PELI2: variants seen among roughly 807,000 people sequenced by gnomAD.
The protein encoded by PELI2 is pellino E3 ubiquitin protein ligase family member 2, also known as E3 ubiquitin-protein ligase pellino homolog 2.
In PELI2, 23 loss-of-function variants were observed where a neutral mutation model predicts 42.3. The ratio of observed to expected loss-of-function variants is 0.54; its 90% confidence interval spans 0.39 to 0.77. PELI2 has a LOEUF of 0.77. Among genes scored for constraint, PELI2 ranks in the 30% least tolerant of loss-of-function variants. The pLI is 0.00. For synonymous variants in PELI2, 245 were observed against 212.2 expected (o/e 1.15, Z -1.34); for missense variants, 463 against 553.2 (o/e 0.84, Z 1.64).
intron 2 of PELI2, among the ~76,000 whole-genome samples, chr14:56,249,020 C>T (rs1047598953): frequency 6.6e-6 from 1 of 152,134 alleles, no homozygotes; most frequent in African/African-American, 2.4e-5. Flanking sequence ...GGGCCTTTCC[C>T]ACAAAGGCTT....
intron 1 of PELI2, among the ~76,000 whole-genome samples, chr14:56,162,305 A>G (rs867678861): frequency 7.9e-5 from 12 of 151,434 alleles, no homozygotes; most frequent in Admixed American, 2.0e-4. Flanking sequence ...TCTACTCTCT[A>G]TGTCCGTGAG....
At chr14:56,258,587 A>G (rs1480612897) in intron 2 of PELI2, among the ~76,000 whole-genome samples, 2 of 152,040 alleles carry the variant, frequency 1.3e-5, no homozygotes, top group Non-Finnish European at 2.9e-5. Context: ...AAATAAAAAA[A>G]AAAACACTGG....
chr14:56,153,195 A>G (rs1884426306), intron 1 of PELI2, among the ~76,000 whole-genome samples: 1 of 152,240 alleles, frequency 6.6e-6, no homozygotes, highest in African/African-American at 2.4e-5. Context: ...AATTTTTTTT[A>G]GATCTCTTCA....
chr14:56,203,902 G>A (rs1323651744), intron 2 of PELI2, among the ~76,000 whole-genome samples: 2 of 152,192 alleles, frequency 1.3e-5, no homozygotes, highest in African/African-American at 4.8e-5. Context: ...GGATTTAACT[G>A]TTAAAGGGTG....
chr14:56,128,828 A>G (rs1883377007), intron 1 of PELI2, among the ~76,000 whole-genome samples: 1 of 151,970 alleles, frequency 6.6e-6, no homozygotes, highest in Non-Finnish European at 1.5e-5. Flanking sequence ...CAAACCTGGC[A>G]AGGTGCTGCC....
At chr14:56,248,751 C>T (rs1888244662) in intron 2 of PELI2, among the ~76,000 whole-genome samples, 1 of 151,702 alleles carries the variant, frequency 6.6e-6, no homozygotes, top group Non-Finnish European at 1.5e-5. Flanking sequence ...CAGGCTCAGG[C>T]ACAGAGGAGA....
chr14:56,156,689 T>TG (rs1884578234), intron 1 of PELI2, among the ~76,000 whole-genome samples: 1 of 152,238 alleles, frequency 6.6e-6, no homozygotes, highest in Non-Finnish European at 1.5e-5. Flanking sequence ...GTTGAGCACT[T>TG]GAAGTATGGC....
rs1023196517 is a variant in PELI2, at chr14:56,288,896, T to A, written c.507+262T>A. 6.6e-6 allele frequency among the ~76,000 whole-genome samples: 1 copy of A among 152,344 alleles called. No homozygotes were observed. Among genetic ancestry groups the A allele is most frequent in the Non-Finnish European group, 1.5e-5 (1 of 68,032 alleles). On this transcript the variant is annotated intron_variant, in intron 4 of 5. Transcript: ENST00000267460. This position sits in a 1 kb window ranked among gnomAD's most constrained non-coding sequence, Gnocchi z 4.6. ...TAAAGTATGCCTATAACATTGTCCA[T>A]AATGTATTTACGGCAACGAAGAGGT...
intron 2 of PELI2, among the ~76,000 whole-genome samples, chr14:56,258,036 CT>C (rs1020649607): frequency 6.6e-6 from 1 of 152,170 alleles, no homozygotes; most frequent in African/African-American, 2.4e-5. Flanking sequence ...GGCTGAACAA[CT>C]TCTGTAGCTC....
At position 56,219,831 on chromosome 14, in the gene PELI2, G is replaced by T. The variant is rs75457078; in HGVS notation, c.207+41367G>T. Among the ~76,000 whole-genome samples the T allele has an allele frequency of 6.6e-6, 1 of 152,226 alleles. No individual in the cohort carries two copies. The highest frequency in any genetic ancestry group is 1.5e-5 in the Non-Finnish European group (1 of 68,018). ...TTTGTAACTTGCCCCATTCCACAGC[G>T]GACTTGAGGCAGCTGACATTCTTAC... is the stretch of plus-strand genomic sequence containing the variant. On this transcript the variant is annotated intron_variant, in intron 2 of 5. Transcript: ENST00000267460. This position sits in a 1 kb window ranked among gnomAD's most constrained non-coding sequence, Gnocchi z 4.1.
chr14:56,273,873 G>C lies in PELI2; in HGVS notation c.208-5803G>C, dbSNP rs1319400346. Among the ~76,000 whole-genome samples, 1 of 152,174 alleles carries C rather than the reference G, an allele frequency of 6.6e-6. No homozygotes were observed. Among genetic ancestry groups the C allele is most frequent in the African/African-American group, 2.4e-5 (1 of 41,440 alleles). On this transcript the variant is annotated intron_variant, in intron 2 of 5. Transcript: ENST00000267460. The surrounding 1 kb of genome is among the most constrained non-coding windows in gnomAD (Gnocchi z 4.3). ...TAAAACCCTGATTTTTATTCCAGAG[G>C]TCTGGGGACAGGTAGTTCCACGTTT...
At chr14:56,215,591 A>G (rs893605044) in intron 2 of PELI2, among the ~76,000 whole-genome samples, 7 of 152,256 alleles carry the variant, frequency 4.6e-5, no homozygotes, top group African/African-American at 1.7e-4. Flanking sequence ...TTGGAAATTC[A>G]TATTTGGTGT....
intron 2 of PELI2, among the ~76,000 whole-genome samples, chr14:56,243,635 T>G (rs1198069446): frequency 6.6e-6 from 1 of 152,342 alleles, no homozygotes; most frequent in Non-Finnish European, 1.5e-5. Flanking sequence ...TTGTTAACCT[T>G]TGCATTTTTG....
chr14:56,216,152 CT>C (rs1369627348), intron 2 of PELI2, among the ~76,000 whole-genome samples: 1 of 151,998 alleles, frequency 6.6e-6, no homozygotes, highest in Non-Finnish European at 1.5e-5. Flanking sequence ...TATGTATTTG[CT>C]TTTTGTGTAC....
At chr14:56,194,468 C>T (rs925601612) in intron 2 of PELI2, among the ~76,000 whole-genome samples, 3 of 152,330 alleles carry the variant, frequency 2.0e-5, no homozygotes, top group Non-Finnish European at 2.9e-5. Flanking sequence ...CTTCACCAGT[C>T]GCCATCCCTA....
chr14:56,278,035 T>C (rs1889351846), intron 2 of PELI2, among the ~76,000 whole-genome samples: 1 of 152,234 alleles, frequency 6.6e-6, no homozygotes, highest in African/African-American at 2.4e-5. Flanking sequence ...TTTTATGCAA[T>C]ATGTATATGC....
chr14:56,178,431 C>A lies in PELI2; in HGVS notation c.174C>A (p.Thr58=). 1 of 1,614,168 alleles carries A rather than the reference C, an allele frequency of 6.2e-7. No homozygotes were observed. The highest frequency in any genetic ancestry group is 8.5e-7 in the Non-Finnish European group (1 of 1,180,020). Residue 58 remains threonine (T), a synonymous_variant, in exon 2 of 6, where the codon ACC becomes ACA. Transcript: ENST00000267460. ...RPKANGVKPS[T]VHVISTPQAS... Reference sequence around the variant, plus strand: ...AGGCAAATGGTGTCAAACCCAGCACCGTCCATGTGATATCCACGCCCCAGG... The same window carrying A: ...AGGCAAATGGTGTCAAACCCAGCACAGTCCATGTGATATCCACGCCCCAGG...
rs1015609402 is a variant in PELI2, at chr14:56,300,821, G to A, written c.*3655G>A. 1.3e-5 allele frequency: 2 copies of A among 151,862 alleles called. No homozygotes were observed. The highest frequency in any genetic ancestry group is 4.8e-5 in the African/African-American group (2 of 41,340). 9.4% of individuals were successfully genotyped at this position (151,862 alleles called of 1,614,324 possible). Reference sequence around the variant, plus strand: ...GCCTTTGTGGCTTAGGTTATGATGCGCCTCCTTCTGTGCGACCAATGAGAC... The same window carrying A: ...GCCTTTGTGGCTTAGGTTATGATGCACCTCCTTCTGTGCGACCAATGAGAC... On this transcript the variant is annotated 3_prime_UTR_variant, in exon 6 of 6. Coordinates refer to ENST00000267460, the MANE Select transcript of PELI2 (RefSeq NM_021255.3).
At chr14:56,212,738 C>T (rs779827406) in intron 2 of PELI2, among the ~76,000 whole-genome samples, 3 of 152,222 alleles carry the variant, frequency 2.0e-5, no homozygotes, top group Non-Finnish European at 4.4e-5. Context: ...ACTCTTCAGT[C>T]TTCTGTCAGC....
Sources: gnomAD v4.1 joint callset for allele counts (sites outside exome capture counted in the v4.1 genomes callset) on GRCh38, gnomAD v4.1.1 for gene constraint, Gnocchi (gnomAD v3.1) non-coding constraint, MANE v1.5 for transcripts, NCBI Gene and HGNC (gene_info 2026-07-23, HGNC 2026-07-21) for gene names.